The following SYT16 variants were observed in gnomAD, a reference collection of about 807,000 sequenced individuals.
SYT16 encodes synaptotagmin-16.
SYT16 carries 42 observed loss-of-function variants against 61.4 expected under a neutral mutation model. That is an observed-to-expected ratio of 0.68 (90% CI 0.53 to 0.89). The LOEUF is 0.89. Among genes scored for constraint, SYT16 ranks in the 40% least tolerant of loss-of-function variants. The pLI is 0.00. For synonymous variants in SYT16, 314 were observed against 302.3 expected (o/e 1.04, Z -0.40); for missense variants, 804 against 807.3 (o/e 1.00, Z 0.05).
chr14:61,831,551 C>G (rs189523778), intron 1 of SYT16, among the ~76,000 whole-genome samples: 1 of 152,272 alleles, frequency 6.6e-6, no homozygotes, highest in East Asian at 1.9e-4. Flanking sequence ...TATTGTCTCT[C>G]TCCCATTCCC....
At chr14:62,046,423 A>G (rs2054988790) in intron 3 of SYT16, among the ~76,000 whole-genome samples, 1 of 151,922 alleles carries the variant, frequency 6.6e-6, no homozygotes. Context: ...CTCTGATGGT[A>G]GTTTCTTTTG....
At chr14:61,872,689 G>T (rs2047366561) in intron 1 of SYT16, among the ~76,000 whole-genome samples, 1 of 152,182 alleles carries the variant, frequency 6.6e-6, no homozygotes, top group Admixed American at 6.5e-5. Context: ...GGGCTGCTAA[G>T]ACCCAGGGCA....
At chr14:62,016,468 C>T (rs1238313307) in intron 3 of SYT16, among the ~76,000 whole-genome samples, 2 of 146,902 alleles carry the variant, frequency 1.4e-5, no homozygotes, top group Non-Finnish European at 3.0e-5. Context: ...CCAAGGCGGG[C>T]AGATCACAAG....
chr14:62,061,965 A>T (rs1356613578), intron 3 of SYT16, among the ~76,000 whole-genome samples: 1 of 113,292 alleles, frequency 8.8e-6, no homozygotes, highest in Non-Finnish European at 1.6e-5. Context: ...TTGTGAATTT[A>T]TAATTTTTTA....
chr14:61,983,004 AG>A (rs2052150983), intron 2 of SYT16, among the ~76,000 whole-genome samples: 1 of 152,184 alleles, frequency 6.6e-6, no homozygotes, highest in African/African-American at 2.4e-5. Flanking sequence ...TACACTTTAA[AG>A]AGATATATGC....
At chr14:61,979,140 G>GA (rs2051945552) in intron 2 of SYT16, among the ~76,000 whole-genome samples, 1 of 152,128 alleles carries the variant, frequency 6.6e-6, no homozygotes, top group African/African-American at 2.4e-5. Context: ...ATCAGGATCT[G>GA]AAACAGATGT....
intron 1 of SYT16, among the ~76,000 whole-genome samples, chr14:61,939,160 A>G (rs900218610): frequency 1.3e-5 from 2 of 152,146 alleles, no homozygotes; most frequent in African/African-American, 2.4e-5. Flanking sequence ...CAAAAAAACC[A>G]AAAAAGGACA....
At chr14:61,883,516 G>A (rs189356714) in intron 1 of SYT16, among the ~76,000 whole-genome samples, 235 of 152,242 alleles carry the variant, frequency 1.5e-3, no homozygotes, top group African/African-American at 5.5e-3. Context: ...ACCTTAGCCT[G>A]GACTTCATTG....
At chr14:61,909,084 G>A (rs1276290197) in intron 1 of SYT16, among the ~76,000 whole-genome samples, 1 of 152,162 alleles carries the variant, frequency 6.6e-6, no homozygotes, top group African/African-American at 2.4e-5. Context: ...ACAGGCATGA[G>A]CCACCGTGCC....
chr14:61,888,125 CTTTTTTT>C (rs756842240), intron 1 of SYT16, among the ~76,000 whole-genome samples: 8 of 134,198 alleles, frequency 6.0e-5, no homozygotes, highest in Non-Finnish European at 1.3e-4. Context: ...CTTTTCTTTT[CTTTTTTT>C]TTTTTTTTTT....
In SYT16 at chr14:62,075,210, C is replaced by T. The variant is rs766706431; in HGVS notation, c.812C>T (p.Ser271Leu). Reference sequence around the variant, plus strand: ...GAAGATGACCACATCCCTGCTCACTCACAGTCCCCATGTGAAAGAGGGGAT... The same window carrying T: ...GAAGATGACCACATCCCTGCTCACTTACAGTCCCCATGTGAAAGAGGGGAT... ...YGEDDHIPAH[S>L]QSPCERGDAK... is the part of the protein sequence containing the mutation. The change falls in exon 5 of 8, where the codon TCA becomes TTA. Residue 271 changes from serine (S) to leucine (L), a missense_variant. Transcript: ENST00000683842. The T allele has an allele frequency of 3.7e-6, 6 of 1,613,414 alleles. No individual in the cohort carries two copies. Among genetic ancestry groups the T allele is most frequent in the Non-Finnish European group, 4.2e-6 (5 of 1,179,652 alleles).
At chr14:62,044,584 G>C (rs1338383398) in intron 3 of SYT16, among the ~76,000 whole-genome samples, 1 of 152,126 alleles carries the variant, frequency 6.6e-6, no homozygotes, top group Non-Finnish European at 1.5e-5. Flanking sequence ...AGTTTGCTGA[G>C]AATGATGGTT....
intron 1 of SYT16, among the ~76,000 whole-genome samples, chr14:61,963,255 C>A (rs2051183892): frequency 6.6e-6 from 1 of 152,118 alleles, no homozygotes; most frequent in South Asian, 2.1e-4. Context: ...ACTTCATGAG[C>A]AAGACATGCC....
At chr14:61,988,519 A>T (rs2140594027) in intron 2 of SYT16, among the ~76,000 whole-genome samples, 1 of 152,316 alleles carries the variant, frequency 6.6e-6, no homozygotes, top group African/African-American at 2.4e-5. Context: ...CTGTTGCTAT[A>T]ATGTTATAAA....
At chr14:61,933,106 G>A (rs1267083778) in intron 1 of SYT16, among the ~76,000 whole-genome samples, 1 of 152,168 alleles carries the variant, frequency 6.6e-6, no homozygotes, top group Admixed American at 6.5e-5. Context: ...AAAGCTTTCA[G>A]GCACTTGTTT....
intron 1 of SYT16, among the ~76,000 whole-genome samples, chr14:61,883,298 A>G (rs1566650172): frequency 6.6e-6 from 1 of 152,050 alleles, no homozygotes; most frequent in Non-Finnish European, 1.5e-5. Context: ...TGGACTGCAA[A>G]TTTTTCAAAT....
intron 3 of SYT16, among the ~76,000 whole-genome samples, chr14:62,008,662 T>C (rs1336506834): frequency 6.6e-6 from 1 of 150,998 alleles, no homozygotes; most frequent in Non-Finnish European, 1.5e-5. Flanking sequence ...CAAGCATATG[T>C]AACTGTAAAC....
chr14:61,892,991 G>T (rs1256400052), intron 1 of SYT16, among the ~76,000 whole-genome samples: 1 of 152,076 alleles, frequency 6.6e-6, no homozygotes, highest in Non-Finnish European at 1.5e-5. Flanking sequence ...CTCAGGTGTG[G>T]TCCTGCTGTA....
chr14:62,046,956 T>C (rs2055018625), intron 3 of SYT16, among the ~76,000 whole-genome samples: 1 of 152,236 alleles, frequency 6.6e-6, no homozygotes, highest in African/African-American at 2.4e-5. Flanking sequence ...TGGTTCCATA[T>C]GAACTTTCAA....
Sources: gnomAD v4.1 joint callset for allele counts (sites outside exome capture counted in the v4.1 genomes callset) on GRCh38, gnomAD v4.1.1 for gene constraint, MANE v1.5 for transcripts, NCBI Gene and HGNC (gene_info 2026-07-23, HGNC 2026-07-21) for gene names.